Variants in MROH1 observed in about 807,000 individuals in gnomAD.
MROH1 encodes maestro heat like repeat family member 1.
In MROH1, 117 loss-of-function variants were observed where a neutral mutation model predicts 116.5. The observed-to-expected ratio is 1.00, with a 90% CI of 0.86 to 1.17. The LOEUF (loss-of-function observed/expected upper bound fraction) is 1.17. Among genes scored for constraint, MROH1 ranks in the 50% most tolerant of loss-of-function variants. The pLI is 0.00. For missense variants in MROH1, 1,873 were observed against 1,338.5 expected, an observed-to-expected ratio of 1.40 and a Z score of -6.23; for synonymous variants, 921 against 583.9, an observed-to-expected ratio of 1.58 and a Z score of -8.32.
chr8:144,243,107 C>T (rs2132965048), intron 24 of MROH1, among the ~76,000 whole-genome samples: 2 of 152,390 alleles, frequency 1.3e-5, no homozygotes, highest in Non-Finnish European at 2.9e-5. Flanking sequence ...CTGACAAGCC[C>T]CTCTCTCAGG....
At chr8:144,256,595 C>G (rs1843857082) in intron 35 of MROH1, among the ~76,000 whole-genome samples, 1 of 152,262 alleles carries the variant, frequency 6.6e-6, no homozygotes, top group Non-Finnish European at 1.5e-5. Flanking sequence ...GCCCCTGGGC[C>G]TGGCCTGCTG....
chr8:144,258,670 C>A, intron 35 of MROH1, 107 bp from the exon 36 acceptor site: 1 of 694,804 alleles, frequency 1.4e-6, no homozygotes, highest in South Asian at 1.5e-5. Context: ...AGGGATAGGG[C>A]TAGCCACCAG....
chr8:144,184,636 T>G (rs1458498967), intron 7 of MROH1, among the ~76,000 whole-genome samples: 1 of 152,110 alleles, frequency 6.6e-6, no homozygotes, highest in African/African-American at 2.4e-5. Flanking sequence ...TTGCAGACAC[T>G]GAAGAGAGTG....
chr8:144,177,235 A>G (rs529598832), intron 4 of MROH1, among the ~76,000 whole-genome samples: 2 of 152,210 alleles, frequency 1.3e-5, no homozygotes, highest in East Asian at 3.9e-4. Context: ...GGGACTCTCA[A>G]CGTTTGAGAT....
intron 8 of MROH1, 88 bp from the exon 9 acceptor site, chr8:144,191,627 A>G: frequency 1.3e-6 from 2 of 1,518,894 alleles, no homozygotes; most frequent in Non-Finnish European, 1.8e-6. Context: ...GTGTTCGTTC[A>G]CGTCCGTCAC....
intron 26 of MROH1, 54 bp downstream of exon 26, chr8:144,243,996 T>C: frequency 1.3e-6 from 1 of 760,678 alleles, no homozygotes; most frequent in Non-Finnish European, 2.4e-6. Flanking sequence ...TGCGTGCATG[T>C]GTGTGCATTG....
At chr8:144,235,376 C>G (rs1839879963) in intron 14 of MROH1, among the ~76,000 whole-genome samples, 1 of 152,150 alleles carries the variant, frequency 6.6e-6, no homozygotes, top group Admixed American at 6.6e-5. Context: ...GCTGTCCCAG[C>G]TAGAACGTCC....
In MROH1 at chr8:144,234,498, G is replaced by GTTTTTTTTTTTTTTT. The variant is rs1165164431; in HGVS notation, c.1339-4236_1339-4222dup. Reference sequence around the variant, plus strand: ...AATGGAATTATTTTCTTTCTTTTTCGTTTTTTTTTTTTTTTTTTTTTTTTT... The same window carrying GTTTTTTTTTTTTTTT: ...AATGGAATTATTTTCTTTCTTTTTCGTTTTTTTTTTTTTTTTTTTTTTTTTTTTTTTTTTTTTTTT... On this transcript the variant is annotated intron_variant, in intron 14 of 43. Coordinates refer to ENST00000326134, the MANE Select transcript of MROH1 (RefSeq NM_032450.3). Among the ~76,000 whole-genome samples the GTTTTTTTTTTTTTTT allele has an allele frequency of 1.2e-3, 22 of 18,100 alleles. 10 individuals are homozygous for GTTTTTTTTTTTTTTT. The highest frequency in any genetic ancestry group is 2.7e-3 in the East Asian group (2 of 744). The allele number at this position is 18,100 out of a possible 152,430, so 11.9% of individuals were successfully genotyped here. A position where few individuals can be genotyped will look rare whatever the true frequency, so the allele number is the denominator to read the frequency against.
intron 1 of MROH1, among the ~76,000 whole-genome samples, chr8:144,158,567 T>G (rs1240675599): frequency 6.6e-6 from 1 of 152,252 alleles, no homozygotes; most frequent in East Asian, 1.9e-4. Context: ...TTTCATTCAC[T>G]TCAGTGTGTT....
At chr8:144,249,811 G>T (rs1842544452) in intron 32 of MROH1, among the ~76,000 whole-genome samples, 1 of 152,220 alleles carries the variant, frequency 6.6e-6, no homozygotes, top group South Asian at 2.1e-4. Flanking sequence ...CCGCAGGAGT[G>T]CCGTTGGCAG....
At chr8:144,253,046 C>T (rs1444941312) in intron 33 of MROH1, among the ~76,000 whole-genome samples, 1 of 151,108 alleles carries the variant, frequency 6.6e-6, no homozygotes, top group Non-Finnish European at 1.5e-5. Flanking sequence ...CCCAGCTACT[C>T]AGGAGGCCAA....
At chr8:144,161,289 T>G (rs1386636681) in intron 2 of MROH1, among the ~76,000 whole-genome samples, 200 bp downstream of exon 2, 1 of 152,206 alleles carries the variant, frequency 6.6e-6, no homozygotes, top group Non-Finnish European at 1.5e-5. Context: ...TAAGGGTTCA[T>G]ACACACAGGT....
intron 4 of MROH1, among the ~76,000 whole-genome samples, chr8:144,172,515 G>A (rs1333108547): frequency 1.3e-5 from 2 of 151,096 alleles, no homozygotes; most frequent in Non-Finnish European, 1.5e-5. Flanking sequence ...GGGTTCAAGC[G>A]ATTCTCCTGC....
chr8:144,206,833 G>A (rs1313993976), intron 12 of MROH1, among the ~76,000 whole-genome samples: 1 of 150,880 alleles, frequency 6.6e-6, no homozygotes, highest in Admixed American at 6.6e-5. Context: ...AGGAGTTTGA[G>A]ACTAGCCTGG....
chr8:144,236,114 A>G (rs1839994432), intron 14 of MROH1, among the ~76,000 whole-genome samples: 1 of 152,160 alleles, frequency 6.6e-6, no homozygotes, highest in Non-Finnish European at 1.5e-5. Flanking sequence ...GTGCCCTGTT[A>G]GCCTCCTGCC....
intron 32 of MROH1, among the ~76,000 whole-genome samples, chr8:144,249,646 T>TC (rs1842507034): frequency 6.6e-6 from 1 of 151,964 alleles, no homozygotes; most frequent in Admixed American, 6.6e-5. Context: ...TGCCCACGTT[T>TC]CCCCCGCGTT....
chr8:144,187,816 C>T (rs1220999484), intron 7 of MROH1, among the ~76,000 whole-genome samples: 1 of 152,196 alleles, frequency 6.6e-6, no homozygotes, highest in Admixed American at 6.5e-5. Flanking sequence ...TGGCGCTTCT[C>T]AGGGCCTTTG....
chr8:144,180,579 C>T lies in MROH1; in HGVS notation c.562+56C>T. On this transcript the variant is annotated intron_variant, in intron 7 of 43. Coordinates refer to ENST00000326134, the MANE Select transcript of MROH1 (RefSeq NM_032450.3). The surrounding 1 kb of genome is among the most constrained non-coding windows in gnomAD (Gnocchi z 7.4). ...AAGTGCCCCTTTGTGGGGGGCTGTT[C>T]CCGGGCATGCCTGTTTTAGGGGGGA... 1 of 1,528,512 alleles carries T rather than the reference C, an allele frequency of 6.5e-7. No individual in the cohort carries two copies. Among genetic ancestry groups the T allele is most frequent in the Admixed American group, 1.7e-5 (1 of 57,982 alleles). 94.7% of individuals were successfully genotyped at this position (1,528,512 alleles called of 1,614,324 possible).
intron 7 of MROH1, among the ~76,000 whole-genome samples, chr8:144,187,105 A>AAAAAC (rs1372862114): frequency 9.3e-5 from 14 of 150,022 alleles, no homozygotes; most frequent in Non-Finnish European, 1.8e-4. Flanking sequence ...CCAAAAAAAA[A>AAAAAC]AAAACAAAAC....
Sources: gnomAD v4.1 joint callset for allele counts (sites outside exome capture counted in the v4.1 genomes callset) on GRCh38, gnomAD v4.1.1 for gene constraint, Gnocchi (gnomAD v3.1) non-coding constraint, MANE v1.5 for transcripts, NCBI Gene and HGNC (gene_info 2026-07-23, HGNC 2026-07-21) for gene names.